The following CCDC3 variants were observed in gnomAD, a reference collection of about 807,000 sequenced individuals.
CCDC3 encodes coiled-coil domain containing 3, also known as coiled-coil domain-containing protein 3.
In CCDC3, 24 loss-of-function variants were observed where a neutral mutation model predicts 21.4. That is an observed-to-expected ratio of 1.12 (90% CI 0.81 to 1.58). The LOEUF (loss-of-function observed/expected upper bound fraction) is 1.58. Ranked by LOEUF, CCDC3 falls within the 40% of genes most tolerant of loss-of-function variation. The pLI is 0.00. For synonymous variants in CCDC3, 186 were observed against 166.0 expected (o/e 1.12, Z -0.93); for missense variants, 425 against 360.9 (o/e 1.18, Z -1.44).
chr10:13,084,022 T>A (rs1837073991), intron 3 of CCDC3, among the ~76,000 whole-genome samples: 1 of 152,206 alleles, frequency 6.6e-6, no homozygotes, highest in Admixed American at 6.5e-5. Context: ...ATATATAACA[T>A]CCTGATATCC....
intron 3 of CCDC3, among the ~76,000 whole-genome samples, chr10:13,089,830 C>G (rs993063628): frequency 1.7e-4 from 23 of 134,924 alleles, no homozygotes; most frequent in African/African-American, 5.9e-4. Flanking sequence ...TCCCCCACCC[C>G]CCTCCCACCC....
At chr10:13,042,385 T>C (rs1363278901) in intron 5 of CCDC3, among the ~76,000 whole-genome samples, 1 of 152,214 alleles carries the variant, frequency 6.6e-6, no homozygotes, top group African/African-American at 2.4e-5. Flanking sequence ...AGTCAGGGAA[T>C]GAGGGGCGGG....
At chr10:13,094,220 T>A (rs1196942704) in intron 3 of CCDC3, among the ~76,000 whole-genome samples, 2 of 150,308 alleles carry the variant, frequency 1.3e-5, no homozygotes, top group Non-Finnish European at 3.0e-5. Flanking sequence ...ACCTGGCTCT[T>A]TCCCAGTGAG....
Position 13,068,437 on chromosome 10 carries a change from G to A in CCDC3, c.-270+5431C>T, listed in dbSNP as rs542010321. Among the ~76,000 whole-genome samples, 5 of 152,286 alleles carry A rather than the reference G, an allele frequency of 3.3e-5. No homozygotes were observed. In the East Asian group the frequency reaches 5.8e-4, roughly 18 times the overall value. ...TTTTTTAAAAGGGAAGATAAAAGCT[G>A]TGGTACCTTTCAGTTCACATGACTT... On this transcript the variant is annotated intron_variant, in intron 4 of 6. Coordinates refer to the CCDC3 transcript ENST00000378839.
intron 5 of CCDC3, among the ~76,000 whole-genome samples, chr10:13,031,450 G>C (rs1030168194): frequency 6.6e-6 from 1 of 152,098 alleles, no homozygotes; most frequent in African/African-American, 2.4e-5. Flanking sequence ...AGAAGCAAGA[G>C]CAAATACATT....
At chr10:12,966,940 A>G (rs1835270639) in intron 2 of CCDC3, among the ~76,000 whole-genome samples, 1 of 152,168 alleles carries the variant, frequency 6.6e-6, no homozygotes, top group Admixed American at 6.5e-5. Context: ...GGAAATGGAA[A>G]CCCAGCTATT....
chr10:13,061,041 G>A (rs550176286), intron 4 of CCDC3, among the ~76,000 whole-genome samples: 8 of 152,322 alleles, frequency 5.3e-5, no homozygotes, highest in African/African-American at 1.9e-4. Flanking sequence ...TTTTCCAGCT[G>A]TCCAACCACA....
At chr10:12,973,678 G>A (rs942855669) in intron 2 of CCDC3, among the ~76,000 whole-genome samples, 3 of 152,136 alleles carry the variant, frequency 2.0e-5, no homozygotes, top group Non-Finnish European at 4.4e-5. Context: ...GGGCTTCCAG[G>A]TAAACCTGAC....
intron 5 of CCDC3, among the ~76,000 whole-genome samples, chr10:13,032,427 G>T (rs1836317357): frequency 6.6e-6 from 1 of 152,094 alleles, no homozygotes; most frequent in Admixed American, 6.5e-5. Flanking sequence ...TTGAAAACTG[G>T]CATAAGACAG....
rs1032958819 is a variant in CCDC3 at position 12,925,486 on chromosome 10, A to C, written c.550-26807T>G. On this transcript the variant is annotated intron_variant, in intron 2 of 2. Coordinates refer to ENST00000378825, the MANE Select transcript of CCDC3 (RefSeq NM_031455.4). ...GAAGGCAAACTCTCCGCAACTCCCC[A>C]CAAGCGGCCAGTCTGCCTGAATGCC... Among the ~76,000 whole-genome samples, 9 of 152,208 alleles carry C rather than the reference A, an allele frequency of 5.9e-5. No homozygotes were observed. In the South Asian group the frequency reaches 1.0e-3, roughly 17 times the overall value.
At chr10:12,917,129 T>C (rs1291963171) in intron 2 of CCDC3, among the ~76,000 whole-genome samples, 2 of 149,660 alleles carry the variant, frequency 1.3e-5, no homozygotes, top group African/African-American at 4.9e-5. Context: ...CTCCATACTG[T>C]GCTGCCCGGG....
At chr10:12,932,427 T>C (rs1834661790) in intron 2 of CCDC3, among the ~76,000 whole-genome samples, 1 of 149,640 alleles carries the variant, frequency 6.7e-6, no homozygotes, top group East Asian at 2.0e-4. Flanking sequence ...TTATTGAATA[T>C]TGGAGTATGG....
chr10:13,048,138 C>T (rs1251308837), intron 5 of CCDC3, among the ~76,000 whole-genome samples: 2 of 152,178 alleles, frequency 1.3e-5, no homozygotes, highest in Non-Finnish European at 2.9e-5. Flanking sequence ...AAGGTAGCTT[C>T]TTGCATGACT....
chr10:12,910,650 C>A (rs1274775485), intron 2 of CCDC3, among the ~76,000 whole-genome samples: 1 of 144,426 alleles, frequency 6.9e-6, no homozygotes, highest in Non-Finnish European at 1.5e-5. Context: ...TGCTCTGTTG[C>A]CCAGGCTAGA....
At chr10:12,955,070 G>A (rs998410747) in intron 2 of CCDC3, among the ~76,000 whole-genome samples, 2 of 152,052 alleles carry the variant, frequency 1.3e-5, no homozygotes, top group Non-Finnish European at 2.9e-5. Context: ...AGAACAAACT[G>A]TTCAAGTTTT....
chr10:12,987,059 C>A (rs1271090787), intron 2 of CCDC3, among the ~76,000 whole-genome samples: 1 of 152,126 alleles, frequency 6.6e-6, no homozygotes, highest in African/African-American at 2.4e-5. Context: ...CTGACCCGTG[C>A]ACCCTCATCG....
chr10:12,940,935 T>C (rs181677227), intron 2 of CCDC3, among the ~76,000 whole-genome samples: 1 of 147,410 alleles, frequency 6.8e-6, no homozygotes, highest in Non-Finnish European at 1.5e-5. Flanking sequence ...GAATTGCTGA[T>C]CTTTGCACTT....
intron 4 of CCDC3, among the ~76,000 whole-genome samples, chr10:13,052,713 G>C (rs1327467200): frequency 6.6e-6 from 1 of 152,078 alleles, no homozygotes; most frequent in Admixed American, 6.6e-5. Context: ...GCTGAGGCAG[G>C]CGGATCACTT....
chr10:12,996,346 G>C (rs1485776099), intron 2 of CCDC3, among the ~76,000 whole-genome samples: 1 of 152,090 alleles, frequency 6.6e-6, no homozygotes, highest in Non-Finnish European at 1.5e-5. Context: ...ATGTTTGTTT[G>C]TTTCTTTGAG....
Sources: allele counts gnomAD v4.1 joint callset (sites outside exome capture counted in the v4.1 genomes callset), GRCh38; gene constraint gnomAD v4.1.1; transcripts MANE v1.5; gene names NCBI Gene and HGNC (gene_info 2026-07-23, HGNC 2026-07-21).